The following MYRIP variants were observed in gnomAD, a reference collection of about 807,000 sequenced individuals.
MYRIP encodes the protein myosin VIIA and Rab interacting protein.
Under a neutral mutation model 98.0 loss-of-function variants are expected in MYRIP, and 49 were observed. The observed-to-expected ratio is 0.50, with a 90% CI of 0.40 to 0.63. The LOEUF is 0.63. MYRIP is among the 30% of genes least tolerant of loss of function. The probability of loss-of-function intolerance (pLI) is 0.00; values close to 1 mark genes in which losing one functional copy is unlikely to be tolerated. For synonymous variants in MYRIP, 404 were observed against 409.5 expected, an observed-to-expected ratio of 0.99 and a Z score of 0.16; for missense variants, 1,004 against 1,058.2, an observed-to-expected ratio of 0.95 and a Z score of 0.71.
intron 2 of MYRIP, among the ~76,000 whole-genome samples, chr3:39,979,876 TGAAAAATAAAGCCAGTAGG>T (rs1399453902): frequency 1.3e-5 from 2 of 152,142 alleles, no homozygotes; most frequent in Non-Finnish European, 2.9e-5. Flanking sequence ...GCTTTTGTAA[TGAAAAATAAAGCCAGTAGG>T]GAAAAGACTT....
rs552432575 is a variant in MYRIP at position 40,252,107 on chromosome 3, C to T, written c.2547+108C>T. 1.1e-5 allele frequency: 9 copies of T among 841,282 alleles called. No homozygotes were observed. The Admixed American group carries it at 1.4e-4, about 14-fold the overall frequency. The allele number at this position is 841,282 out of a possible 1,614,324, so 52.1% of individuals were successfully genotyped here. On this transcript the variant is annotated intron_variant, in intron 16 of 16. Transcript: ENST00000302541. ...CGCATCAGAACCCCCAAAAAGTATC[C>T]TTCCTCCGTGGTCTTATGGTCTGTT...
At chr3:40,071,050 C>A in intron 3 of MYRIP, 1 of 777,966 alleles carries the variant, frequency 1.3e-6, no homozygotes. Context: ...AAAGCCAAAG[C>A]AAGATGCATT....
upstream of MYRIP, chr3:39,809,463 C>T (rs983951505): frequency 3.4e-5 from 5 of 147,490 alleles, no homozygotes; most frequent in African/African-American, 7.3e-5. Flanking sequence ...CGGGCACCCC[C>T]TGCCCCGGCG....
chr3:40,004,900 T>A (rs535136700), intron 2 of MYRIP, among the ~76,000 whole-genome samples: 4 of 152,262 alleles, frequency 2.6e-5, no homozygotes, highest in Non-Finnish European at 4.4e-5. Flanking sequence ...TTAGTAAACA[T>A]AGTACCTGAT....
chr3:40,204,815 G>C, intron 10 of MYRIP, among the ~76,000 whole-genome samples: 1 of 152,020 alleles, frequency 6.6e-6, no homozygotes, highest in South Asian at 2.1e-4. Flanking sequence ...TGCAGTGATG[G>C]GGACCCTGCT....
At chr3:39,858,061 A>G (rs1389713870) in intron 1 of MYRIP, among the ~76,000 whole-genome samples, 2 of 152,180 alleles carry the variant, frequency 1.3e-5, no homozygotes, top group Admixed American at 6.5e-5. Context: ...TTTTAAACAT[A>G]AATGGATTTC....
intron 2 of MYRIP, among the ~76,000 whole-genome samples, chr3:39,906,788 G>A (rs764579108): frequency 6.6e-6 from 1 of 152,180 alleles, no homozygotes; most frequent in Non-Finnish European, 1.5e-5. Flanking sequence ...AGCTGCACCA[G>A]GTACTGTTGG....
At chr3:39,839,407 G>A (rs375370870) in intron 1 of MYRIP, among the ~76,000 whole-genome samples, 18 of 151,890 alleles carry the variant, frequency 1.2e-4, no homozygotes, top group South Asian at 8.3e-4. Flanking sequence ...ACAGGGGCCC[G>A]CCACCATGCC....
intron 1 of MYRIP, among the ~76,000 whole-genome samples, chr3:39,877,381 G>A (rs1413176155): frequency 1.3e-5 from 2 of 152,132 alleles, no homozygotes; most frequent in Non-Finnish European, 2.9e-5. Flanking sequence ...TCCATTGCTG[G>A]TGAGGAACTG....
At chr3:40,089,008 A>G (rs1265586281) in intron 3 of MYRIP, among the ~76,000 whole-genome samples, 2 of 151,640 alleles carry the variant, frequency 1.3e-5, no homozygotes, top group Non-Finnish European at 2.9e-5. Context: ...TGGGGGAGGG[A>G]GGAGTCAGGA....
At chr3:39,901,460 C>T (rs1943741809) in intron 2 of MYRIP, among the ~76,000 whole-genome samples, 1 of 152,146 alleles carries the variant, frequency 6.6e-6, no homozygotes, top group Non-Finnish European at 1.5e-5. Context: ...AAGAGGTAGT[C>T]TCCTGACTCC....
At chr3:40,161,632 C>T (rs1425726656) in intron 4 of MYRIP, among the ~76,000 whole-genome samples, 1 of 152,180 alleles carries the variant, frequency 6.6e-6, no homozygotes, top group Non-Finnish European at 1.5e-5. Flanking sequence ...GATTTATAAA[C>T]ACACCCAAGT....
chr3:39,809,368 C>G (rs1453045217), upstream of MYRIP, among the ~76,000 whole-genome samples: 2 of 149,934 alleles, frequency 1.3e-5, no homozygotes, highest in African/African-American at 4.9e-5. Flanking sequence ...CGCGCGCAGC[C>G]CTGCCCCGCC....
chr3:40,078,168 G>A (rs952273558), intron 3 of MYRIP, among the ~76,000 whole-genome samples: 21 of 152,234 alleles, frequency 1.4e-4, no homozygotes, highest in Admixed American at 2.6e-4. Flanking sequence ...CCGCTGGCCC[G>A]GGTGCTAAGC....
chr3:39,890,026 TCTC>T (rs1943443311), intron 1 of MYRIP, among the ~76,000 whole-genome samples: 1 of 152,166 alleles, frequency 6.6e-6, no homozygotes, highest in Non-Finnish European at 1.5e-5. Flanking sequence ...GACTCATTCT[TCTC>T]TACTCCTCCC....
At position 39,913,781 on chromosome 3, in the gene MYRIP, T is replaced by C. The variant is rs150036107; in HGVS notation, c.110+12855T>C. Among the ~76,000 whole-genome samples, 331 of 152,278 alleles carry C rather than the reference T, an allele frequency of 2.2e-3. 1 individual carries two copies. The highest frequency in any genetic ancestry group is 3.6e-3 in the Non-Finnish European group (245 of 68,014). On this transcript the variant is annotated intron_variant, in intron 2 of 16. Transcript: ENST00000302541. ...GATACAAGACTCTGTGACTAAAAAA[T>C]GGCCACCTTGCACGAGGACAATAAC...
At chr3:40,104,643 A>C (rs1197220459) in intron 3 of MYRIP, among the ~76,000 whole-genome samples, 5 of 152,208 alleles carry the variant, frequency 3.3e-5, no homozygotes, top group African/African-American at 1.2e-4. Context: ...CATCAGACCC[A>C]TTCTGAGTCA....
chr3:39,906,064 C>T (rs1336883802), intron 2 of MYRIP, among the ~76,000 whole-genome samples: 1 of 151,928 alleles, frequency 6.6e-6, no homozygotes, highest in African/African-American at 2.4e-5. Flanking sequence ...TGGGGTCAAA[C>T]AGATATGGGT....
At chr3:39,903,451 T>G (rs9860916) in intron 2 of MYRIP, among the ~76,000 whole-genome samples, 74,471 of 151,904 alleles carry the variant, frequency 0.49, 19,308 homozygotes, top group African/African-American at 0.67. Context: ...TTTTGTGAGG[T>G]TAGGTCTTGA....
Sources: gnomAD v4.1 joint callset for allele counts (sites outside exome capture counted in the v4.1 genomes callset) on GRCh38, gnomAD v4.1.1 for gene constraint, MANE v1.5 for transcripts, NCBI Gene and HGNC (gene_info 2026-07-23, HGNC 2026-07-21) for gene names.